ADGRL4: variants seen among roughly 807,000 people sequenced by gnomAD.
ADGRL4 encodes EGF, latrophilin and seven transmembrane domain containing 1.
In ADGRL4, 90 loss-of-function variants were observed where a neutral mutation model predicts 74.8. That is an observed-to-expected ratio of 1.20 (90% CI 1.02 to 1.43). ADGRL4 has a LOEUF of 1.43. Among genes scored for constraint, ADGRL4 ranks in the 40% most tolerant of loss-of-function variants. ADGRL4 has a pLI of 0.00. For missense variants in ADGRL4, 881 were observed against 814.3 expected, an observed-to-expected ratio of 1.08 and a Z score of -1.00; for synonymous variants, 311 against 279.2, an observed-to-expected ratio of 1.11 and a Z score of -1.14.
intron 8 of ADGRL4, among the ~76,000 whole-genome samples, 170 bp from the exon 9 acceptor site, chr1:78,921,956 A>G (rs1168928873): frequency 6.6e-6 from 1 of 152,060 alleles, no homozygotes; most frequent in African/African-American, 2.4e-5. Flanking sequence ...TTATATTGCA[A>G]CAATGCTGTA....
chr1:78,937,652 T>C (rs182790681), intron 6 of ADGRL4, among the ~76,000 whole-genome samples, 155 bp downstream of exon 6: 7 of 152,362 alleles, frequency 4.6e-5, no homozygotes, highest in Admixed American at 3.9e-4. Flanking sequence ...ACAATGCTTT[T>C]GCAATATGCA....
At chr1:78,961,688 A>G (rs568169426) in intron 2 of ADGRL4, among the ~76,000 whole-genome samples, 5 of 152,248 alleles carry the variant, frequency 3.3e-5, no homozygotes, top group African/African-American at 1.2e-4. Flanking sequence ...TCAGGGTCAC[A>G]TGTAGCCCTG....
intron 2 of ADGRL4, among the ~76,000 whole-genome samples, chr1:78,961,680 A>G (rs1269077521): frequency 6.6e-6 from 1 of 152,106 alleles, no homozygotes; most frequent in African/African-American, 2.4e-5. Flanking sequence ...GCAGGACATC[A>G]GGGTCACATG....
intron 12 of ADGRL4, among the ~76,000 whole-genome samples, chr1:78,900,052 A>C (rs1336515026): frequency 6.6e-6 from 1 of 152,114 alleles, no homozygotes; most frequent in Admixed American, 6.6e-5. Context: ...TGGGAGAGAT[A>C]CGGCAAAAAT....
chr1:79,006,052 A>T (rs529846684), intron 1 of ADGRL4, among the ~76,000 whole-genome samples: 2 of 152,284 alleles, frequency 1.3e-5, no homozygotes, highest in East Asian at 3.9e-4. Flanking sequence ...TTCCTTTTTT[A>T]TTGTTTTACC....
chr1:78,934,663 G>C lies in ADGRL4; in HGVS notation c.877+1632C>G, dbSNP rs116672659. Among the ~76,000 whole-genome samples the C allele has an allele frequency of 9.8e-3, 1,485 of 152,102 alleles. 7 individuals carry two copies. The highest frequency in any genetic ancestry group is 0.017 in the Middle Eastern group (5 of 292). On this transcript the variant is annotated intron_variant, in intron 7 of 14. Transcript: ENST00000370742. Reference sequence around the variant, plus strand: ...TTTCACAATCTATCCATCTGACAAAGGTCTAATACCCAGCATCTACTAGGA... The same window carrying C: ...TTTCACAATCTATCCATCTGACAAACGTCTAATACCCAGCATCTACTAGGA...
At chr1:78,946,246 A>C (rs2100695455) in intron 3 of ADGRL4, 28 bp downstream of exon 3, 2 of 1,575,124 alleles carry the variant, frequency 1.3e-6, no homozygotes, top group East Asian at 4.6e-5. Context: ...AGATATATAC[A>C]AATTCTAACT....
At chr1:78,975,868 T>C (rs1345050136) in intron 2 of ADGRL4, among the ~76,000 whole-genome samples, 1 of 151,698 alleles carries the variant, frequency 6.6e-6, no homozygotes, top group Non-Finnish European at 1.5e-5. Context: ...ATTTACCCTC[T>C]GAACAGAAAC....
intron 12 of ADGRL4, among the ~76,000 whole-genome samples, chr1:78,904,324 C>T (rs1191251274): frequency 6.6e-6 from 1 of 151,788 alleles, no homozygotes; most frequent in East Asian, 1.9e-4. Flanking sequence ...AGATCTATAC[C>T]TTTGAATTGC....
At chr1:78,904,209 A>G (rs1298457391) in intron 12 of ADGRL4, among the ~76,000 whole-genome samples, 2 of 151,908 alleles carry the variant, frequency 1.3e-5, no homozygotes, top group African/African-American at 4.8e-5. Context: ...ATTAGAACAG[A>G]GTACCCAGAG....
intron 2 of ADGRL4, among the ~76,000 whole-genome samples, chr1:78,986,428 T>C (rs1327828177): frequency 6.6e-6 from 1 of 151,394 alleles, no homozygotes; most frequent in African/African-American, 2.4e-5. Context: ...AGTCAGACCC[T>C]GTCTCCATGA....
intron 2 of ADGRL4, among the ~76,000 whole-genome samples, chr1:78,946,784 C>A (rs1390138046): frequency 2.0e-5 from 3 of 152,014 alleles, no homozygotes; most frequent in African/African-American, 4.8e-5. Flanking sequence ...ATCAAAAGCA[C>A]AACATAAATT....
intron 7 of ADGRL4, among the ~76,000 whole-genome samples, chr1:78,930,270 CA>C (rs961134380): frequency 6.8e-6 from 1 of 146,764 alleles, no homozygotes; most frequent in Non-Finnish European, 1.5e-5. Flanking sequence ...ATTTTCTTTG[CA>C]AAAATTTTAC....
rs139324837 is a variant in ADGRL4 at position 78,984,084 on chromosome 1, C to T, written c.172+20986G>A. ...AAACAACATTACTACATAAGCAGTACATTAAGAGACAGTAGAGTATACTGA... is the reference window on the plus strand; with the variant it reads ...AAACAACATTACTACATAAGCAGTATATTAAGAGACAGTAGAGTATACTGA... On this transcript the variant is annotated intron_variant, in intron 2 of 14. Coordinates refer to ENST00000370742, the MANE Select transcript of ADGRL4 (RefSeq NM_022159.4). 8.6e-5 allele frequency among the ~76,000 whole-genome samples: 13 copies of T among 151,776 alleles called. No individual in the cohort carries two copies. In the East Asian group the frequency reaches 2.5e-3, roughly 29 times the overall value.
At chr1:78,938,545 T>G (rs916377358) in intron 4 of ADGRL4, among the ~76,000 whole-genome samples, 40 of 152,178 alleles carry the variant, frequency 2.6e-4, no homozygotes, top group Middle Eastern at 3.4e-3. Context: ...AAATGAGCTT[T>G]CAAAATAACT....
intron 2 of ADGRL4, among the ~76,000 whole-genome samples, chr1:78,970,774 A>G (rs1650152221): frequency 6.6e-6 from 1 of 152,062 alleles, no homozygotes; most frequent in Admixed American, 6.6e-5. Context: ...CTCTTCACAG[A>G]TAGGCAATTG....
Position 78,947,757 on chromosome 1 carries a change from G to T in ADGRL4, c.173-1331C>A, listed in dbSNP as rs532260809. On this transcript the variant is annotated intron_variant, in intron 2 of 14. Transcript: ENST00000370742. ...AAGTGACTGGGATATTCTGAAGATT[G>T]TAAGAAGCCTAATTGGGGAGCACAG... Among the ~76,000 whole-genome samples the T allele has an allele frequency of 2.6e-5, 4 of 152,264 alleles. No homozygotes were observed. The East Asian group carries it at 7.7e-4, about 29-fold the overall frequency.
intron 12 of ADGRL4, among the ~76,000 whole-genome samples, chr1:78,908,935 C>G (rs1414718947): frequency 1.3e-5 from 2 of 151,854 alleles, no homozygotes; most frequent in Non-Finnish European, 2.9e-5. Flanking sequence ...CATATTGAAA[C>G]TACCAATGTA....
At chr1:78,928,531 T>G (rs77448150) in intron 7 of ADGRL4, among the ~76,000 whole-genome samples, 2 of 151,420 alleles carry the variant, frequency 1.3e-5, no homozygotes, top group Non-Finnish European at 2.9e-5. Context: ...CCATTCTTCC[T>G]AATTTTTCTT....
Sources: gnomAD v4.1 joint callset for allele counts (sites outside exome capture counted in the v4.1 genomes callset) on GRCh38, gnomAD v4.1.1 for gene constraint, MANE v1.5 for transcripts, NCBI Gene and HGNC (gene_info 2026-07-23, HGNC 2026-07-21) for gene names.